Variants in DOCK9 observed in about 807,000 individuals in gnomAD.
DOCK9 encodes the protein dedicator of cytokinesis protein 9.
Under a neutral mutation model 263.3 loss-of-function variants are expected in DOCK9, and 89 were observed. The observed-to-expected ratio is 0.34, with a 90% CI of 0.28 to 0.40. The LOEUF is 0.40. Ranked by LOEUF, DOCK9 falls within the 10% of genes least tolerant of loss-of-function variation. The pLI is 1.00. For synonymous variants in DOCK9, 976 were observed against 973.1 expected, an observed-to-expected ratio of 1.00 and a Z score of -0.06; for missense variants, 2,140 against 2,603.4, an observed-to-expected ratio of 0.82 and a Z score of 3.87.
intron 27 of DOCK9, among the ~76,000 whole-genome samples, chr13:98,877,826 A>G (rs942539449): frequency 1.3e-5 from 2 of 152,178 alleles, no homozygotes; most frequent in African/African-American, 4.8e-5. Flanking sequence ...GGCTCAATGA[A>G]TAGTTGCAGA....
chr13:98,888,474 C>T lies in DOCK9; in HGVS notation c.1863G>A (p.Val621=). 6.2e-7 allele frequency: 1 copy of T among 1,613,942 alleles called. No homozygotes were observed. Among genetic ancestry groups the T allele is most frequent in the South Asian group, 1.1e-5 (1 of 91,080 alleles). ...TTGGTATGCAGGGCACAAATTCCTC[C>T]ACTTCAAACGTGATGGGAGTTTTAC... ...TCSKTPITFE[V]EEFVPCIPKH... is the part of the protein sequence containing the mutation. The change falls in exon 17 of 53, where the codon GTG becomes GTA. Residue 621 remains valine (V), a synonymous_variant. Coordinates refer to ENST00000682017, the MANE Select transcript of DOCK9 (RefSeq NM_001366683.2).
At chr13:99,054,633 C>T (rs1415151084) in intron 1 of DOCK9, among the ~76,000 whole-genome samples, 1 of 152,242 alleles carries the variant, frequency 6.6e-6, no homozygotes, top group East Asian at 1.9e-4. Context: ...TCTTCCATTG[C>T]TACTGCCCTG....
At chr13:98,901,009 A>G (rs1462104625) in intron 13 of DOCK9, among the ~76,000 whole-genome samples, 1 of 152,176 alleles carries the variant, frequency 6.6e-6, no homozygotes, top group Non-Finnish European at 1.5e-5. Flanking sequence ...ATAACTAAAA[A>G]TATGTAAAAC....
At chr13:98,809,610 G>C (rs1010717076) in intron 46 of DOCK9, 145 bp from the exon 47 acceptor site, 1 of 654,358 alleles carries the variant, frequency 1.5e-6, no homozygotes, top group Non-Finnish European at 2.6e-6. Context: ...AACTTGTAGT[G>C]ATCATTAATG....
At chr13:99,075,195 C>T (rs1044665648) in intron 1 of DOCK9, among the ~76,000 whole-genome samples, 2 of 152,012 alleles carry the variant, frequency 1.3e-5, no homozygotes, top group African/African-American at 2.4e-5. Context: ...TAATGACATA[C>T]CTTTTTCTTA....
At chr13:98,958,423 G>A (rs1343061725) in intron 1 of DOCK9, among the ~76,000 whole-genome samples, 1 of 152,216 alleles carries the variant, frequency 6.6e-6, no homozygotes, top group Non-Finnish European at 1.5e-5. Flanking sequence ...TTCCCAGTTT[G>A]TTCCTTCCTT....
At chr13:98,836,321 T>C (rs2092998314) in intron 39 of DOCK9, among the ~76,000 whole-genome samples, 1 of 152,184 alleles carries the variant, frequency 6.6e-6, no homozygotes, top group African/African-American at 2.4e-5. Context: ...TGGCCAGATA[T>C]TCACTTTTAA....
intron 45 of DOCK9, among the ~76,000 whole-genome samples, chr13:98,822,038 A>G (rs750812740): frequency 6.6e-6 from 1 of 152,128 alleles, no homozygotes; most frequent in Non-Finnish European, 1.5e-5. Flanking sequence ...TGTCTTTTAG[A>G]ACATGTTAGT....
At chr13:99,085,581 C>A (rs936344058) in intron 1 of DOCK9, among the ~76,000 whole-genome samples, 11 of 152,216 alleles carry the variant, frequency 7.2e-5, no homozygotes, top group African/African-American at 2.7e-4. Context: ...AACCCCCAAA[C>A]GTCACAGGAA....
At chr13:99,062,799 ATT>A (rs919508784) in intron 1 of DOCK9, among the ~76,000 whole-genome samples, 1 of 152,158 alleles carries the variant, frequency 6.6e-6, no homozygotes, top group African/African-American at 2.4e-5. Flanking sequence ...AAGCTGCACC[ATT>A]CTCTCCCCAA....
At chr13:98,999,210 C>T (rs1387047779) in intron 1 of DOCK9, among the ~76,000 whole-genome samples, 2 of 151,996 alleles carry the variant, frequency 1.3e-5, no homozygotes, top group African/African-American at 2.4e-5. Flanking sequence ...TTCTTGTTCA[C>T]ATGTTCAGAG....
chr13:98,855,796 A>T, intron 34 of DOCK9, 102 bp downstream of exon 34: 2 of 1,452,428 alleles, frequency 1.4e-6, no homozygotes, highest in Non-Finnish European at 1.9e-6. Flanking sequence ...TTAGAAAAAA[A>T]CAAAAGGTCA....
chr13:98,832,031 G>C (rs2092785432), intron 39 of DOCK9: 3 of 453,576 alleles, frequency 6.6e-6, no homozygotes, highest in Non-Finnish European at 1.2e-5. Context: ...CACTTGCTTA[G>C]TACTGACTGG....
chr13:98,990,123 T>C (rs1486918258), intron 1 of DOCK9, among the ~76,000 whole-genome samples: 1 of 152,214 alleles, frequency 6.6e-6, no homozygotes, highest in African/African-American at 2.4e-5. Context: ...TGTGTGACCA[T>C]CATAGGATGG....
chr13:98,878,725 G>C (rs966747604), intron 27 of DOCK9, among the ~76,000 whole-genome samples: 2 of 152,198 alleles, frequency 1.3e-5, no homozygotes, highest in African/African-American at 4.8e-5. Flanking sequence ...ATTCAAAAGA[G>C]AGAGACAGAA....
chr13:98,991,005 A>G (rs768459064), intron 1 of DOCK9, among the ~76,000 whole-genome samples: 3 of 152,234 alleles, frequency 2.0e-5, no homozygotes, highest in Non-Finnish European at 4.4e-5. Context: ...GGTTTGGGAA[A>G]TAAGGAACAC....
At chr13:98,982,404 T>G (rs1877422901), upstream of DOCK9, among the ~76,000 whole-genome samples, 1 of 152,220 alleles carries the variant, frequency 6.6e-6, no homozygotes, top group South Asian at 2.1e-4. Context: ...AAATACCATC[T>G]TCCCCAAGAA....
chr13:99,087,998 T>C (rs1171441546), upstream of DOCK9: 1 of 152,258 alleles, frequency 6.6e-6, no homozygotes, highest in Non-Finnish European at 1.5e-5. Flanking sequence ...AGCCTAACAC[T>C]GGCCTGAAGC....
At chr13:98,848,071 G>T (rs1482349305) in intron 37 of DOCK9, among the ~76,000 whole-genome samples, 1 of 152,226 alleles carries the variant, frequency 6.6e-6, no homozygotes, top group Non-Finnish European at 1.5e-5. Context: ...AGAGTAGGAA[G>T]AGAAAAGGCT....
Sources: gnomAD v4.1 joint callset for allele counts (sites outside exome capture counted in the v4.1 genomes callset) on GRCh38, gnomAD v4.1.1 for gene constraint, MANE v1.5 for transcripts, NCBI Gene and HGNC (gene_info 2026-07-23, HGNC 2026-07-21) for gene names.